RFC1: variants seen among roughly 807,000 people sequenced by gnomAD.
RFC1 encodes the protein replication factor C subunit 1.
In RFC1, 37 loss-of-function variants were observed where a neutral mutation model predicts 137.4. The ratio of observed to expected loss-of-function variants is 0.27; its 90% CI spans 0.21 to 0.35. The LOEUF (loss-of-function observed/expected upper bound fraction) is 0.35. Among genes scored for constraint, RFC1 ranks in the 10% least tolerant of loss-of-function variants. The pLI is 1.00. For synonymous variants in RFC1, 429 were observed against 455.7 expected (o/e 0.94, Z 0.75); for missense variants, 1,205 against 1,358.5 (o/e 0.89, Z 1.78).
intron 2 of RFC1, among the ~76,000 whole-genome samples, chr4:39,348,831 G>T (rs1241741971): frequency 1.3e-5 from 2 of 152,164 alleles, no homozygotes; most frequent in East Asian, 3.9e-4. Flanking sequence ...TGACTGTGGG[G>T]GTAGGGCCAC....
intron 1 of RFC1, among the ~76,000 whole-genome samples, chr4:39,361,417 T>G (rs764284629): frequency 1.3e-5 from 2 of 152,152 alleles, no homozygotes; most frequent in Admixed American, 6.5e-5. Flanking sequence ...AATAAAATAT[T>G]TAAAATTATA....
intron 1 of RFC1, among the ~76,000 whole-genome samples, chr4:39,354,159 C>T (rs1741345324): frequency 6.6e-6 from 1 of 152,202 alleles, no homozygotes; most frequent in Non-Finnish European, 1.5e-5. Context: ...ATTGCAGCAT[C>T]GTAACCTAAC....
At chr4:39,334,900 T>A (rs1186936693) in intron 4 of RFC1, among the ~76,000 whole-genome samples, 2 of 152,112 alleles carry the variant, frequency 1.3e-5, no homozygotes, top group African/African-American at 4.8e-5. Flanking sequence ...GCTTTAACAC[T>A]CTGTGTTAGA....
intron 8 of RFC1, 51 bp from the exon 9 acceptor site, chr4:39,320,720 A>C (rs1385786235): frequency 1.3e-6 from 2 of 1,489,388 alleles, no homozygotes; most frequent in African/African-American, 1.4e-5. Context: ...ATGATAATCT[A>C]TATCAACTTT....
chr4:39,299,387 G>C (rs868654158), intron 21 of RFC1, among the ~76,000 whole-genome samples: 1 of 151,902 alleles, frequency 6.6e-6, no homozygotes, highest in African/African-American at 2.4e-5. Context: ...CTCTAGTGCC[G>C]CTGGGTTAGG....
At chr4:39,360,789 A>C (rs552426454) in intron 1 of RFC1, among the ~76,000 whole-genome samples, 2 of 152,298 alleles carry the variant, frequency 1.3e-5, no homozygotes, top group East Asian at 3.9e-4. Context: ...ATCTTTGAAG[A>C]GTACACAGTT....
chr4:39,318,622 T>C (rs1225210994), intron 9 of RFC1, among the ~76,000 whole-genome samples: 1 of 152,240 alleles, frequency 6.6e-6, no homozygotes, highest in Admixed American at 6.5e-5. Flanking sequence ...GTGAAGAGTA[T>C]CATTTAAAGA....
intron 4 of RFC1, among the ~76,000 whole-genome samples, chr4:39,335,248 T>C (rs1740293694): frequency 6.6e-6 from 1 of 152,238 alleles, no homozygotes; most frequent in South Asian, 2.1e-4. Context: ...AACCATCATT[T>C]TGGTTTCAGA....
At chr4:39,311,149 A>T (rs1295768879) in intron 12 of RFC1, among the ~76,000 whole-genome samples, 1 of 152,166 alleles carries the variant, frequency 6.6e-6, no homozygotes, top group Non-Finnish European at 1.5e-5. Context: ...TCAAAAAATT[A>T]AAAAATAGTA....
In RFC1 at chr4:39,316,900, T is replaced by A; in HGVS notation, c.1203+15A>T. 4.5e-6 allele frequency: 7 copies of A among 1,556,026 alleles called. No individual in the cohort carries two copies. The highest frequency in any genetic ancestry group is 6.2e-6 in the Non-Finnish European group (7 of 1,127,284). On this transcript the variant is annotated intron_variant, in intron 10 of 24. Coordinates refer to ENST00000349703, the MANE Select transcript of RFC1 (RefSeq NM_002913.5). Reference sequence around the variant, plus strand: ...GAGGCCCTCACAGAATGGCATGCCCTCTCAGTACTCTTACCTTTGGTATTT... The same window carrying A: ...GAGGCCCTCACAGAATGGCATGCCCACTCAGTACTCTTACCTTTGGTATTT...
chr4:39,328,448 T>C (rs1739896968), intron 4 of RFC1, among the ~76,000 whole-genome samples: 1 of 152,136 alleles, frequency 6.6e-6, no homozygotes, highest in Admixed American at 6.5e-5. Context: ...GGTGAAAGAA[T>C]TAAAGAGTGA....
intron 19 of RFC1, 84 bp downstream of exon 19, chr4:39,302,194 T>G (rs1738393299): frequency 1.2e-6 from 1 of 814,952 alleles, no homozygotes; most frequent in African/African-American, 1.7e-5. Flanking sequence ...CAAGGAACTA[T>G]AATAACTACT....
intron 22 of RFC1, among the ~76,000 whole-genome samples, chr4:39,292,634 ATTT>A (rs1560586312): frequency 6.7e-6 from 1 of 150,218 alleles, no homozygotes; most frequent in African/African-American, 2.4e-5. Context: ...TTATTTATTT[ATTT>A]ATTTATTTAT....
At chr4:39,298,289 CAG>C (rs1326156231) in intron 21 of RFC1, among the ~76,000 whole-genome samples, 1 of 121,450 alleles carries the variant, frequency 8.2e-6, no homozygotes, top group East Asian at 2.6e-4. Flanking sequence ...GACTGCCTGA[CAG>C]AGTGAGACCT....
At chr4:39,365,491 TA>T (rs1441621396) in intron 1 of RFC1, 1 of 985,304 alleles carries the variant, frequency 1.0e-6, no homozygotes, top group Non-Finnish European at 1.2e-6. Context: ...GCTGGCTGCA[TA>T]ATCATTTCAC....
intron 19 of RFC1, 55 bp from the exon 20 acceptor site, chr4:39,300,469 A>T: frequency 7.8e-7 from 1 of 1,282,496 alleles, no homozygotes; most frequent in Non-Finnish European, 1.1e-6. Context: ...AAACGGTAAC[A>T]TCACCAAATG....
Position 39,317,008 on chromosome 4 carries a change from T to A in RFC1, c.1110A>T (p.Glu370Asp). 1 of 1,613,182 alleles carries A rather than the reference T, an allele frequency of 6.2e-7. No homozygotes were observed. The highest frequency in any genetic ancestry group is 8.5e-7 in the Non-Finnish European group (1 of 1,179,194). ...SPAKKESVSP[E>D]DSEKKRTNYQ... Reference sequence around the variant, plus strand: ...AATTAGTGCGTTTCTTTTCAGAATCTTCAGGACTTACAGACTTTGGGAACA... The same window carrying A: ...AATTAGTGCGTTTCTTTTCAGAATCATCAGGACTTACAGACTTTGGGAACA... The change falls in exon 10 of 25, where the codon GAA becomes GAT. Residue 370 changes from glutamate (E) to aspartate (D), a missense_variant. By Grantham distance (45) the Glu-to-Asp change is conservative. Coordinates refer to ENST00000349703, the MANE Select transcript of RFC1 (RefSeq NM_002913.5).
In RFC1 at chr4:39,295,770, A is replaced by T; in HGVS notation, c.2809-11T>A. 6.2e-7 allele frequency: 1 copy of T among 1,605,076 alleles called. No individual in the cohort carries two copies. The highest frequency in any genetic ancestry group is 1.1e-5 in the South Asian group (1 of 89,436). ...ACTGGCATAAATGGCCTGAAAAAAA[A>T]TCAATTGCAGTCCAGAATTTATGTT... On this transcript the variant is annotated splice_polypyrimidine_tract_variant and intron_variant, in intron 21 of 24. Coordinates refer to ENST00000349703, the MANE Select transcript of RFC1 (RefSeq NM_002913.5).
chr4:39,337,444 G>GTA (rs1740412765), intron 4 of RFC1, among the ~76,000 whole-genome samples: 1 of 135,084 alleles, frequency 7.4e-6, no homozygotes, highest in South Asian at 2.2e-4. Flanking sequence ...AAGTGTGTGT[G>GTA]TGTGTGTGTG....
Sources: gnomAD v4.1 joint callset for allele counts (sites outside exome capture counted in the v4.1 genomes callset) on GRCh38, gnomAD v4.1.1 for gene constraint, MANE v1.5 for transcripts, NCBI Gene and HGNC (gene_info 2026-07-23, HGNC 2026-07-21) for gene names.